ZNF487: variants seen among roughly 807,000 people sequenced by gnomAD.
The protein encoded by ZNF487 is KRAB domain only 1.
Under a neutral mutation model 3.0 loss-of-function variants are expected in ZNF487, and 4 were observed. The ratio of observed to expected loss-of-function variants is 1.35; its 90% confidence interval spans 0.66 to 3.08. The LOEUF (loss-of-function observed/expected upper bound fraction) is 3.08, where lower values mean the gene tolerates loss of function less well. Ranked by LOEUF, ZNF487 falls within the 30% of genes most tolerant of loss-of-function variation. The pLI is 0.01. For missense variants in ZNF487, 146 were observed against 98.7 expected (o/e 1.48, Z -2.03); for synonymous variants, 55 against 34.6 (o/e 1.59, Z -2.06).
intron 1 of ZNF487, among the ~76,000 whole-genome samples, chr10:43,446,360 C>T (rs889788175): frequency 3.1e-4 from 47 of 151,348 alleles, no homozygotes; most frequent in Admixed American, 1.2e-3. Flanking sequence ...ACTTCCCAGA[C>T]GGTGCGGCTG....
the ZNF487 span, among the ~76,000 whole-genome samples, chr10:43,515,162 C>T: frequency 6.6e-6 from 1 of 152,182 alleles, no homozygotes; most frequent in Non-Finnish European, 1.5e-5. Context: ...CCTTAATATC[C>T]ATTCCCATGC....
At chr10:43,449,160 A>G (rs1365472643) in intron 1 of ZNF487, among the ~76,000 whole-genome samples, 1 of 151,976 alleles carries the variant, frequency 6.6e-6, no homozygotes, top group African/African-American at 2.4e-5. Flanking sequence ...TTAGCAGGGC[A>G]TGGCGGCGTG....
intron 1 of ZNF487, among the ~76,000 whole-genome samples, chr10:43,468,679 CAAAAAAAAAAA>C (rs71016773): frequency 1.1e-4 from 4 of 36,040 alleles, no homozygotes; most frequent in Non-Finnish European, 1.9e-4. Context: ...AACTCTGTCT[CAAAAAAAAAAA>C]AAAAAAAAAA....
chr10:43,513,346 C>T, the ZNF487 span, among the ~76,000 whole-genome samples: 1 of 152,242 alleles, frequency 6.6e-6, no homozygotes, highest in Non-Finnish European at 1.5e-5. Flanking sequence ...TACCACCTAC[C>T]AGGAAATGTG....
chr10:43,459,480 T>C (rs752177379), intron 1 of ZNF487, among the ~76,000 whole-genome samples: 9 of 152,116 alleles, frequency 5.9e-5, no homozygotes, highest in Admixed American at 1.3e-4. Flanking sequence ...TCCACCCACC[T>C]TGGACTCCCC....
intron 1 of ZNF487, among the ~76,000 whole-genome samples, chr10:43,454,908 A>G (rs1840121500): frequency 7.4e-6 from 1 of 135,846 alleles, no homozygotes; most frequent in African/African-American, 2.7e-5. Flanking sequence ...ACTACACTCC[A>G]GCCTGGGCAA....
chr10:43,480,395 C>T (rs143637305), intron 3 of ZNF487, among the ~76,000 whole-genome samples: 154 of 149,518 alleles, frequency 1.0e-3, no homozygotes, highest in Non-Finnish European at 1.9e-3. Context: ...CGTGAGCCAC[C>T]GCACCTGGCC....
chr10:43,444,452 C>T (rs1168238230), intron 1 of ZNF487, among the ~76,000 whole-genome samples: 2 of 152,044 alleles, frequency 1.3e-5, no homozygotes, highest in Non-Finnish European at 2.9e-5. Context: ...GAAGCAGTAC[C>T]CTGAACTGGA....
the ZNF487 span, chr10:43,496,184 T>C: frequency 6.5e-6 from 3 of 459,794 alleles, no homozygotes; most frequent in South Asian, 3.1e-5. Flanking sequence ...CATTCATTTC[T>C]TTTTTAGCAG....
intron 1 of ZNF487, among the ~76,000 whole-genome samples, chr10:43,455,593 G>A (rs1000549815): frequency 2.0e-5 from 3 of 152,240 alleles, no homozygotes. Flanking sequence ...TTGTGTCGCG[G>A]AACCTGACGG....
chr10:43,463,713 T>TTTC (rs113342394), intron 1 of ZNF487, among the ~76,000 whole-genome samples: 101,011 of 121,826 alleles, frequency 0.83, 41,860 homozygotes, highest in East Asian at 0.95. Context: ...TCTTTCTTTC[T>TTTC]TTTTTTTTTT....
At chr10:43,442,055 G>A (rs1029023871) in intron 1 of ZNF487, among the ~76,000 whole-genome samples, 4 of 152,030 alleles carry the variant, frequency 2.6e-5, no homozygotes, top group African/African-American at 9.7e-5. Flanking sequence ...AACCCTGTCT[G>A]TACGAAAAAA....
At chr10:43,442,692 C>T (rs1839660685) in intron 1 of ZNF487, among the ~76,000 whole-genome samples, 1 of 152,120 alleles carries the variant, frequency 6.6e-6, no homozygotes, top group Non-Finnish European at 1.5e-5. Context: ...ATCCACCCGC[C>T]TTAGCCTCCC....
the ZNF487 span, among the ~76,000 whole-genome samples, chr10:43,510,793 G>A: frequency 5.4e-3 from 822 of 152,260 alleles, 4 homozygotes; most frequent in African/African-American, 0.015. Flanking sequence ...TGATCCGCCC[G>A]CCTTGGCCTC....
chr10:43,459,252 T>C (rs1355769824), intron 1 of ZNF487, among the ~76,000 whole-genome samples: 1 of 152,082 alleles, frequency 6.6e-6, no homozygotes, highest in East Asian at 1.9e-4. Flanking sequence ...TTTTTTTAGG[T>C]GTAGTCTCAC....
the ZNF487 span, among the ~76,000 whole-genome samples, chr10:43,501,110 C>T: frequency 0.035 from 5,287 of 152,180 alleles, 120 homozygotes; most frequent in South Asian, 0.041. Context: ...TAAACCTGTA[C>T]AGCATGTTAC....
At chr10:43,445,823 G>GC in intron 1 of ZNF487, among the ~76,000 whole-genome samples, 1 of 152,148 alleles carries the variant, frequency 6.6e-6, no homozygotes, top group Non-Finnish European at 1.5e-5. Context: ...AGAGGACCCT[G>GC]CGGCCTTCCG....
At chr10:43,470,729 G>A (rs1387419347) in intron 1 of ZNF487, among the ~76,000 whole-genome samples, 2 of 152,176 alleles carry the variant, frequency 1.3e-5, no homozygotes, top group African/African-American at 2.4e-5. Context: ...ATGTTGCCCA[G>A]GCTGGTGTGG....
intron 1 of ZNF487, among the ~76,000 whole-genome samples, chr10:43,450,361 G>GT (rs548131225): frequency 1.6e-4 from 23 of 147,586 alleles, no homozygotes; most frequent in Non-Finnish European, 2.3e-4. Context: ...TTTTTGCTTT[G>GT]TTTTTTTTTG....
Sources: allele counts gnomAD v4.1 joint callset (sites outside exome capture counted in the v4.1 genomes callset), GRCh38; gene constraint gnomAD v4.1.1; transcripts MANE v1.5; gene names NCBI Gene and HGNC (gene_info 2026-07-23, HGNC 2026-07-21).